The following GLIS3 variants were observed in gnomAD, a reference collection of about 807,000 sequenced individuals.
GLIS3 encodes zinc finger protein GLIS3.
In GLIS3, 53 loss-of-function variants were observed where a neutral mutation model predicts 78.6. That is an observed-to-expected ratio of 0.67 (90% CI 0.54 to 0.85). The LOEUF is 0.85. Among genes scored for constraint, GLIS3 ranks in the 40% least tolerant of loss-of-function variants. The pLI is 0.00. For missense variants in GLIS3, 1,703 were observed against 1,231.1 expected (o/e 1.38, Z -5.74); for synonymous variants, 684 against 509.9 (o/e 1.34, Z -4.60).
intron 2 of GLIS3, among the ~76,000 whole-genome samples, chr9:4,130,044 T>C (rs1022850289): frequency 1.3e-5 from 2 of 152,196 alleles, no homozygotes; most frequent in Admixed American, 6.5e-5. Flanking sequence ...GTGCCCCTGC[T>C]CTCGGGATCT....
At chr9:4,251,591 A>T (rs111868015) in intron 2 of GLIS3, among the ~76,000 whole-genome samples, 85 of 152,302 alleles carry the variant, frequency 5.6e-4, no homozygotes, top group African/African-American at 2.0e-3. Flanking sequence ...TAATTGGGGC[A>T]TTTAGCCCAC....
chr9:4,201,612 G>A (rs1409991332), intron 2 of GLIS3, among the ~76,000 whole-genome samples: 1 of 151,954 alleles, frequency 6.6e-6, no homozygotes, highest in Non-Finnish European at 1.5e-5. Flanking sequence ...CAATACCCAG[G>A]AATAGAGCTA....
At chr9:4,487,066 T>G in the GLIS3 span, among the ~76,000 whole-genome samples, 2 of 152,092 alleles carry the variant, frequency 1.3e-5, no homozygotes, top group African/African-American at 4.8e-5. Flanking sequence ...TTTTGACATA[T>G]TTCTTTTGTC....
Position 4,329,121 on chromosome 9 carries a change from G to A in GLIS3, n.264+17960C>T, listed in dbSNP as rs570732010. 1.4e-4 allele frequency among the ~76,000 whole-genome samples: 22 copies of A among 152,212 alleles called. No homozygotes were observed. In the East Asian group the frequency reaches 4.0e-3, roughly 28 times the overall value. Reference sequence around the variant, plus strand: ...TTTTTCAATCCACCAATATACTGCCGACTTGGGCAGCTGTGTGAGATCGAA... The same window carrying A: ...TTTTTCAATCCACCAATATACTGCCAACTTGGGCAGCTGTGTGAGATCGAA... On this transcript the variant is annotated intron_variant and non_coding_transcript_variant, in intron 2 of 4. Transcript: ENST00000471664.
At chr9:4,296,308 A>G (rs7854908) in intron 1 of GLIS3, among the ~76,000 whole-genome samples, 9,762 of 151,760 alleles carry the variant, frequency 0.064, 979 homozygotes, top group African/African-American at 0.22. Flanking sequence ...AAAAAAAAAA[A>G]AAGACCGAGA....
intron 2 of GLIS3, among the ~76,000 whole-genome samples, chr9:4,195,314 G>C (rs1199871419): frequency 6.6e-6 from 1 of 152,202 alleles, no homozygotes; most frequent in African/African-American, 2.4e-5. Flanking sequence ...GCGCGGGTGG[G>C]AACTGGGGCT....
At chr9:3,958,814 G>C (rs185031313) in intron 4 of GLIS3, among the ~76,000 whole-genome samples, 1 of 152,222 alleles carries the variant, frequency 6.6e-6, no homozygotes, top group Non-Finnish European at 1.5e-5. Flanking sequence ...GGAGTTCAAC[G>C]TGCAGAGTGG....
chr9:4,401,354 C>A, the GLIS3 span, among the ~76,000 whole-genome samples: 2 of 149,428 alleles, frequency 1.3e-5, no homozygotes, highest in African/African-American at 4.9e-5. Flanking sequence ...CTGTCTCCCA[C>A]GTTCAAGCGA....
At chr9:4,334,439 C>T (rs1347336830) in intron 2 of GLIS3, among the ~76,000 whole-genome samples, 4 of 152,168 alleles carry the variant, frequency 2.6e-5, no homozygotes, top group South Asian at 2.1e-4. Context: ...GCCCTCTGTC[C>T]CCTCCACCCT....
At chr9:4,438,786 C>T in the GLIS3 span, among the ~76,000 whole-genome samples, 24 of 152,148 alleles carry the variant, frequency 1.6e-4, no homozygotes, top group African/African-American at 5.6e-4. Flanking sequence ...CCATGTAGGA[C>T]GTGTCTTGCT....
chr9:4,050,849 G>A (rs147467943), intron 4 of GLIS3, among the ~76,000 whole-genome samples: 12 of 152,272 alleles, frequency 7.9e-5, no homozygotes, highest in Middle Eastern at 3.4e-3. Flanking sequence ...GGGCCTCCAC[G>A]TAAGAGGAGA....
At chr9:4,353,380 A>C (rs755118343), upstream of GLIS3, among the ~76,000 whole-genome samples, 3 of 152,156 alleles carry the variant, frequency 2.0e-5, no homozygotes, top group African/African-American at 2.4e-5. Context: ...AGCTTTCTTT[A>C]AACTATGAGA....
chr9:3,858,330 T>TA (rs1192945122), intron 8 of GLIS3, among the ~76,000 whole-genome samples: 1 of 152,204 alleles, frequency 6.6e-6, no homozygotes, highest in Admixed American at 6.5e-5. Context: ...TATATGCTGA[T>TA]TAAAATCATT....
intron 1 of GLIS3, among the ~76,000 whole-genome samples, chr9:4,298,933 C>T (rs1816861818): frequency 1.3e-5 from 2 of 152,198 alleles, no homozygotes; most frequent in South Asian, 4.1e-4. Flanking sequence ...GAAAAGACAA[C>T]TACAGCCCCG....
intron 9 of GLIS3, among the ~76,000 whole-genome samples, chr9:3,830,956 G>A (rs1161772964): frequency 6.6e-6 from 1 of 152,058 alleles, no homozygotes; most frequent in African/African-American, 2.4e-5. Context: ...ACACTGGGAG[G>A]CCTATTCTAT....
intron 4 of GLIS3, among the ~76,000 whole-genome samples, chr9:4,056,897 A>C (rs1250989843): frequency 8.1e-5 from 9 of 111,756 alleles, no homozygotes. Flanking sequence ...TCTTCAAGAC[A>C]CTTTTTTTTT....
At chr9:4,324,741 A>C (rs1422610403) in intron 2 of GLIS3, among the ~76,000 whole-genome samples, 1 of 152,204 alleles carries the variant, frequency 6.6e-6, no homozygotes, top group Non-Finnish European at 1.5e-5. Flanking sequence ...ATTTTCTGTA[A>C]ATCACTTGAT....
At position 4,313,742 on chromosome 9, in the gene GLIS3, T is replaced by C. The variant is rs187906449; in HGVS notation, n.265-3214A>G. ...CCAGTCTCCCACCTTAAGATCAAGT[T>C]CCAATGCCACCTCCTCCCGCAGCCT... On this transcript the variant is annotated intron_variant and non_coding_transcript_variant, in intron 2 of 4. Coordinates refer to the GLIS3 transcript ENST00000471664. Among the ~76,000 whole-genome samples the C allele has an allele frequency of 9.5e-4, 144 of 152,250 alleles. 1 individual carries two copies. The highest frequency in any genetic ancestry group is 3.3e-3 in the African/African-American group (139 of 41,540).
In GLIS3 at chr9:4,344,924, C is replaced by A. The variant is rs555352794; in HGVS notation, n.264+2157G>T. Reference sequence around the variant, plus strand: ...TATATCCAGATTTCACACTTCTCACCATCTTCACCACTGCACTCCATTCCA... The same window carrying A: ...TATATCCAGATTTCACACTTCTCACAATCTTCACCACTGCACTCCATTCCA... On this transcript the variant is annotated intron_variant and non_coding_transcript_variant, in intron 2 of 4. Coordinates refer to the GLIS3 transcript ENST00000471664. Among the ~76,000 whole-genome samples, 77 of 152,294 alleles carry A rather than the reference C, an allele frequency of 5.1e-4. 2 individuals are homozygous for A. Among genetic ancestry groups the A allele is most frequent in the Admixed American group, 1.2e-3 (18 of 15,298 alleles).
Sources: gnomAD v4.1 joint callset for allele counts (sites outside exome capture counted in the v4.1 genomes callset) on GRCh38, gnomAD v4.1.1 for gene constraint, MANE v1.5 for transcripts, NCBI Gene and HGNC (gene_info 2026-07-23, HGNC 2026-07-21) for gene names.